The following CDH12 variants were observed in gnomAD, a reference collection of about 807,000 sequenced individuals.
CDH12 encodes cadherin 12.
In CDH12, 41 loss-of-function variants were observed where a neutral mutation model predicts 74.1. The observed-to-expected ratio is 0.55, with a 90% CI of 0.43 to 0.72. CDH12 has a LOEUF of 0.72. Ranked by LOEUF, CDH12 falls within the 30% of genes least tolerant of loss-of-function variation. CDH12 has a pLI of 0.00. For missense variants in CDH12, 945 were observed against 977.2 expected (o/e 0.97, Z 0.44); for synonymous variants, 399 against 355.0 (o/e 1.12, Z -1.39).
rs1275246131 is a variant in CDH12, at chr5:21,867,336, CAA to C, written c.527-12548_527-12547del. Among the ~76,000 whole-genome samples, 7 of 152,022 alleles carry C rather than the reference CAA, an allele frequency of 4.6e-5. 1 individual carries two copies. The highest frequency in any genetic ancestry group is 1.5e-4 in the African/African-American group (6 of 41,372). ...CGCCATTACACTCCAGCCTGGGGGA[CAA>C]GAGTGAGACTTTGTCTCAAAAAAAT... is the stretch of plus-strand genomic sequence containing the variant. On this transcript the variant is annotated intron_variant, in intron 6 of 14. Coordinates refer to ENST00000382254, the MANE Select transcript of CDH12 (RefSeq NM_004061.5).
intron 6 of CDH12, chr5:21,889,827 C>T (rs746003026): frequency 2.5e-5 from 25 of 985,196 alleles, no homozygotes; most frequent in Non-Finnish European, 3.0e-5. Flanking sequence ...AGAACAGCTG[C>T]CTTTGCCTAA....
intron 1 of CDH12, among the ~76,000 whole-genome samples, chr5:22,795,435 A>G (rs977355248): frequency 1.3e-5 from 2 of 152,096 alleles, no homozygotes; most frequent in Non-Finnish European, 2.9e-5. Context: ...TCTTTCCTGT[A>G]AATTGAACAG....
At chr5:21,947,913 G>A (rs555059201) in intron 6 of CDH12, among the ~76,000 whole-genome samples, 73 of 152,298 alleles carry the variant, frequency 4.8e-4, no homozygotes, top group African/African-American at 1.7e-3. Flanking sequence ...AGCTCCAGCC[G>A]TGGCTAAAAG....
At chr5:22,013,395 A>G (rs1737409195) in intron 5 of CDH12, among the ~76,000 whole-genome samples, 1 of 152,208 alleles carries the variant, frequency 6.6e-6, no homozygotes, top group South Asian at 2.1e-4. Context: ...GGTGGGGATT[A>G]CGGAGATTAT....
At chr5:22,351,447 T>A (rs1740351907) in intron 3 of CDH12, among the ~76,000 whole-genome samples, 1 of 152,164 alleles carries the variant, frequency 6.6e-6, no homozygotes, top group Admixed American at 6.5e-5. Context: ...AATTGGTGCT[T>A]TATTACAATG....
chr5:22,730,819 T>C (rs778710849), intron 1 of CDH12, among the ~76,000 whole-genome samples: 2 of 151,802 alleles, frequency 1.3e-5, no homozygotes, highest in Admixed American at 6.6e-5. Flanking sequence ...ATTTATTCCT[T>C]TTATACATAA....
At position 22,303,085 on chromosome 5, in the gene CDH12, C is replaced by A. The variant is rs1049045571; in HGVS notation, c.-332-90442G>T. Among the ~76,000 whole-genome samples the A allele has an allele frequency of 3.3e-5, 5 of 152,144 alleles. No homozygotes were observed. In the East Asian group the frequency reaches 9.7e-4, roughly 29 times the overall value. On this transcript the variant is annotated intron_variant, in intron 3 of 14. Transcript: ENST00000382254. ...ATGTGGGTGCAAATATTTTAAGAAA[C>A]AGCATTTTAAATTACAAACATGAAG...
At chr5:21,995,654 G>T (rs1455367021) in intron 5 of CDH12, among the ~76,000 whole-genome samples, 2 of 151,730 alleles carry the variant, frequency 1.3e-5, no homozygotes, top group Middle Eastern at 3.4e-3. Context: ...CATACAGGAA[G>T]TATCACCGTA....
At chr5:22,337,771 C>A (rs1193554750) in intron 3 of CDH12, among the ~76,000 whole-genome samples, 2 of 152,162 alleles carry the variant, frequency 1.3e-5, no homozygotes, top group Non-Finnish European at 2.9e-5. Context: ...TTGGAATAGA[C>A]ATTTCTCAAA....
chr5:22,244,776 GAAAGAAAGAAAGAA>G (rs1752882899), intron 3 of CDH12, among the ~76,000 whole-genome samples: 1 of 123,774 alleles, frequency 8.1e-6, no homozygotes, highest in Non-Finnish European at 1.8e-5. Context: ...AAGAAAGAAA[GAAAGAAAGAAAGAA>G]AGAAAGAAAG....
chr5:21,827,062 G>A (rs1270850251), intron 8 of CDH12, among the ~76,000 whole-genome samples: 3 of 152,018 alleles, frequency 2.0e-5, no homozygotes, highest in Admixed American at 2.0e-4. Flanking sequence ...CTGCTGATCT[G>A]GTAGAACCTA....
chr5:22,674,685 T>C (rs758068024), intron 1 of CDH12, among the ~76,000 whole-genome samples: 16 of 152,130 alleles, frequency 1.1e-4, no homozygotes, highest in Admixed American at 2.6e-4. Context: ...TGACAAAAAT[T>C]CTGATAACGA....
intron 4 of CDH12, among the ~76,000 whole-genome samples, chr5:22,208,028 TAACATATA>T (rs1751315864): frequency 6.6e-6 from 1 of 152,142 alleles, no homozygotes; most frequent in South Asian, 2.1e-4. Context: ...CAATTTTCAA[TAACATATA>T]AACAAAGTTT....
chr5:22,749,252 A>G (rs1306932086), intron 1 of CDH12, among the ~76,000 whole-genome samples: 5 of 152,244 alleles, frequency 3.3e-5, no homozygotes, highest in African/African-American at 1.2e-4. Context: ...AACAGGTTCA[A>G]AGAGAGACCT....
chr5:22,657,448 A>C (rs79774995), intron 1 of CDH12, among the ~76,000 whole-genome samples: 6,096 of 152,256 alleles, frequency 0.04, 204 homozygotes, highest in Middle Eastern at 0.13. Flanking sequence ...AAAACAAAAA[A>C]CAAAGCTCTT....
intron 10 of CDH12, among the ~76,000 whole-genome samples, chr5:21,789,321 T>C (rs1746366045): frequency 6.6e-6 from 1 of 152,104 alleles, no homozygotes; most frequent in Non-Finnish European, 1.5e-5. Context: ...CCATGTCTTT[T>C]TACCACACCT....
At chr5:22,102,589 T>A (rs10056573) in intron 4 of CDH12, among the ~76,000 whole-genome samples, 152,152 of 152,156 alleles carry the variant, frequency 1, 76,074 homozygotes, top group Non-Finnish European at 1. Context: ...GAATCGCTTG[T>A]ACCCGGGAGG....
intron 1 of CDH12, among the ~76,000 whole-genome samples, chr5:22,604,225 A>G (rs1736987808): frequency 6.6e-6 from 1 of 152,196 alleles, no homozygotes; most frequent in Non-Finnish European, 1.5e-5. Flanking sequence ...GGTAGTAAAT[A>G]TCAGCTATTT....
chr5:22,154,818 C>T lies in CDH12; in HGVS notation c.-187+57680G>A, dbSNP rs569212439. On this transcript the variant is annotated intron_variant, in intron 4 of 14. Transcript: ENST00000382254. Reference sequence around the variant, plus strand: ...ACACAGATTTATTATTGCACAATTTCTGTTGGTCGGGAGCCTGCCACATTT... The same window carrying T: ...ACACAGATTTATTATTGCACAATTTTTGTTGGTCGGGAGCCTGCCACATTT... Among the ~76,000 whole-genome samples the T allele has an allele frequency of 5.3e-5, 8 of 152,142 alleles. No individual in the cohort carries two copies. In the South Asian group the frequency reaches 1.7e-3, roughly 32 times the overall value.
Sources: gnomAD v4.1 joint callset for allele counts (sites outside exome capture counted in the v4.1 genomes callset) on GRCh38, gnomAD v4.1.1 for gene constraint, MANE v1.5 for transcripts, NCBI Gene and HGNC (gene_info 2026-07-23, HGNC 2026-07-21) for gene names.